UGT1A7: variants seen among roughly 807,000 people sequenced by gnomAD.
UGT1A7 encodes UDP glucuronosyltransferase family 1 member A7.
UGT1A7 carries 33 observed loss-of-function variants against 45.6 expected under a neutral mutation model. That is an observed-to-expected ratio of 0.72 (90% confidence interval 0.55 to 0.97). The LOEUF is 0.97. UGT1A7 is among the 50% of genes least tolerant of loss of function. The probability of loss-of-function intolerance (pLI) is 0.00; values close to 1 mark genes in which losing one functional copy is unlikely to be tolerated. For synonymous variants in UGT1A7, 274 were observed against 250.6 expected, an observed-to-expected ratio of 1.09 and a Z score of -0.88; for missense variants, 684 against 666.2, an observed-to-expected ratio of 1.03 and a Z score of -0.29.
intron 1 of UGT1A7, chr2:233,713,604 A>G (rs1179770710): frequency 6.2e-7 from 1 of 1,613,926 alleles, no homozygotes; most frequent in South Asian, 1.1e-5. Flanking sequence ...TTCAGACCAC[A>G]TGACATTCCT....
intron 1 of UGT1A7, among the ~76,000 whole-genome samples, chr2:233,714,305 A>G (rs1432172867): frequency 6.6e-6 from 1 of 152,218 alleles, no homozygotes; most frequent in East Asian, 1.9e-4. Context: ...CTTGCAAAAG[A>G]TAGAGAGGTG....
chr2:233,693,100 C>A (rs1292200749), intron 1 of UGT1A7: 2 of 1,614,114 alleles, frequency 1.2e-6, no homozygotes, highest in Non-Finnish European at 8.5e-7. Flanking sequence ...TGCTGGTGGT[C>A]CCTCAGGACG....
intron 1 of UGT1A7, chr2:233,713,228 G>C (rs200357281): frequency 7.1e-5 from 114 of 1,614,178 alleles, no homozygotes; most frequent in South Asian, 3.1e-4. Flanking sequence ...CCCTGACAAC[G>C]TATGCCATTT....
At chr2:233,750,199 CA>C (rs1448966489) in intron 1 of UGT1A7, among the ~76,000 whole-genome samples, 1 of 151,826 alleles carries the variant, frequency 6.6e-6, no homozygotes, top group Non-Finnish European at 1.5e-5. Flanking sequence ...CAATGAAGTC[CA>C]GGCTGAGTCT....
intron 1 of UGT1A7, chr2:233,712,947 G>A: frequency 1.2e-6 from 2 of 1,612,674 alleles, no homozygotes; most frequent in South Asian, 1.1e-5. Context: ...ATTCTAGGAG[G>A]CACAACGTGG....
At chr2:233,756,852 C>A (rs11568318) in intron 1 of UGT1A7, among the ~76,000 whole-genome samples, 7,795 of 152,070 alleles carry the variant, frequency 0.051, 227 homozygotes, top group African/African-American at 0.061. Context: ...AACATTCTAA[C>A]GGTTCATAAA....
intron 1 of UGT1A7, chr2:233,713,109 C>T: frequency 6.2e-7 from 1 of 1,614,208 alleles, no homozygotes; most frequent in Admixed American, 1.7e-5. Context: ...TGATGGCAGC[C>T]ACTGGCTCAG....
intron 1 of UGT1A7, among the ~76,000 whole-genome samples, chr2:233,686,243 T>C (rs921662746): frequency 6.6e-6 from 1 of 150,822 alleles, no homozygotes; most frequent in African/African-American, 2.4e-5. Flanking sequence ...GGAAATGGTT[T>C]CTGAGATTTT....
At chr2:233,732,043 G>A (rs879000369) in intron 1 of UGT1A7, among the ~76,000 whole-genome samples, 3 of 152,324 alleles carry the variant, frequency 2.0e-5, no homozygotes, top group African/African-American at 7.2e-5. Context: ...CAGTGATGAT[G>A]AGCATTTATT....
Position 233,693,031 on chromosome 2 carries a change from G to A in UGT1A7, c.855+10239G>A, listed in dbSNP as rs766815979. ...TGGCCTGCCTCCTTCGCTCATTTCAGAGAATTTCTGCAGGGGTTTTCTTCT... is the reference window on the plus strand; with the variant it reads ...TGGCCTGCCTCCTTCGCTCATTTCAAAGAATTTCTGCAGGGGTTTTCTTCT... On this transcript the variant is annotated intron_variant, in intron 1 of 4. Coordinates refer to ENST00000373426, the MANE Select transcript of UGT1A7 (RefSeq NM_019077.3). 16 of 1,614,172 alleles carry A rather than the reference G, an allele frequency of 9.9e-6. No individual in the cohort carries two copies. In the South Asian group the frequency reaches 1.4e-4, roughly 14 times the overall value.
chr2:233,691,799 C>A (rs996955976), intron 1 of UGT1A7: 20 of 224,136 alleles, frequency 8.9e-5, no homozygotes, highest in Admixed American at 2.6e-4. Context: ...ACTTATACTT[C>A]TCAAATCTTA....
chr2:233,771,014 CGA>C (rs1700215366), intron 4 of UGT1A7: 2 of 152,012 alleles, frequency 1.3e-5, no homozygotes, highest in Admixed American at 1.3e-4. Context: ...AAAGCAGGAG[CGA>C]GAGAGAGTTG....
At chr2:233,753,470 T>A (rs532317483) in intron 1 of UGT1A7, 1 of 152,352 alleles carries the variant, frequency 6.6e-6, no homozygotes, top group South Asian at 2.1e-4. Context: ...CTGTAAAAAA[T>A]TACCAGCATG....
intron 1 of UGT1A7, chr2:233,754,902 A>G: frequency 7.4e-7 from 1 of 1,352,320 alleles, no homozygotes. Flanking sequence ...CTGACCCCCC[A>G]AAATATTCTC....
chr2:233,707,137 G>A (rs574638671), intron 1 of UGT1A7, among the ~76,000 whole-genome samples: 22 of 152,242 alleles, frequency 1.4e-4, no homozygotes, highest in East Asian at 9.7e-4. Flanking sequence ...TTTCTATCCC[G>A]GAGGTCACTG....
intron 1 of UGT1A7, among the ~76,000 whole-genome samples, chr2:233,723,682 C>CCTT: frequency 1.0e-5 from 1 of 95,480 alleles, no homozygotes; most frequent in African/African-American, 5.0e-5. Flanking sequence ...CTGCGGCCTT[C>CCTT]CGCAGTGTTT....
At chr2:233,762,172 G>A (rs964461264) in intron 1 of UGT1A7, among the ~76,000 whole-genome samples, 8 of 152,040 alleles carry the variant, frequency 5.3e-5, no homozygotes, top group East Asian at 3.9e-4. Flanking sequence ...TGTATGCGGC[G>A]TCCTCAACAC....
At chr2:233,713,509 T>G (rs775377534) in intron 1 of UGT1A7, 50 of 1,613,866 alleles carry the variant, frequency 3.1e-5, no homozygotes, top group Admixed American at 1.5e-4. Flanking sequence ...GTGTTTTTCT[T>G]GAGGAACATT....
intron 1 of UGT1A7, among the ~76,000 whole-genome samples, chr2:233,686,266 A>G (rs1342619965): frequency 6.6e-6 from 1 of 151,776 alleles, no homozygotes; most frequent in Non-Finnish European, 1.5e-5. Context: ...TTTTTCTTGT[A>G]CCAAAAGTAC....
Sources: gnomAD v4.1 joint callset for allele counts (sites outside exome capture counted in the v4.1 genomes callset) on GRCh38, gnomAD v4.1.1 for gene constraint, MANE v1.5 for transcripts, NCBI Gene and HGNC (gene_info 2026-07-23, HGNC 2026-07-21) for gene names.